SLC35H1: variants seen among roughly 807,000 people sequenced by gnomAD.
SLC35H1 encodes ovarian cancer-overexpressed gene 1 protein.
chr20:46,353,762 A>C, the SLC35H1 span, among the ~76,000 whole-genome samples: 1 of 152,102 alleles, frequency 6.6e-6, no homozygotes, highest in Non-Finnish European at 1.5e-5. Context: ...GAGGTTTTGC[A>C]GAGATGGGGC....
chr20:46,356,238 G>C, the SLC35H1 span, among the ~76,000 whole-genome samples: 1 of 152,202 alleles, frequency 6.6e-6, no homozygotes. Flanking sequence ...AGGCCACATA[G>C]GGCTCTGCTG....
the SLC35H1 span, chr20:46,357,854 C>A: frequency 6.6e-7 from 1 of 1,520,722 alleles, no homozygotes. Flanking sequence ...CTTCGCCCCT[C>A]TGCTGGAGTG....
chr20:46,352,006 G>A, the SLC35H1 span: 1 of 1,597,698 alleles, frequency 6.3e-7, no homozygotes, highest in Admixed American at 1.7e-5. Flanking sequence ...AACCCCTGGG[G>A]GCTCCCTCTC....
At chr20:46,357,158 A>G in the SLC35H1 span, among the ~76,000 whole-genome samples, 276 of 152,284 alleles carry the variant, frequency 1.8e-3, no homozygotes, top group Middle Eastern at 3.4e-3. Flanking sequence ...AGGGCCAACC[A>G]GTCCCACGCA....
the SLC35H1 span, chr20:46,347,370 G>A: frequency 6.6e-6 from 1 of 152,262 alleles, no homozygotes; most frequent in Non-Finnish European, 1.5e-5. Flanking sequence ...AGGCCTAGAT[G>A]GTGCCCAGTG....
chr20:46,360,089 T>C, the SLC35H1 span, among the ~76,000 whole-genome samples: 1 of 152,174 alleles, frequency 6.6e-6, no homozygotes, highest in East Asian at 1.9e-4. Context: ...ACATAGCCAA[T>C]TACTGCTCTG....
At chr20:46,356,358 C>G in the SLC35H1 span, among the ~76,000 whole-genome samples, 1 of 152,232 alleles carries the variant, frequency 6.6e-6, no homozygotes, top group Non-Finnish European at 1.5e-5. Flanking sequence ...CCCACGCTGC[C>G]TGGCAGGTGG....
At chr20:46,349,509 C>T in the SLC35H1 span, 2 of 152,348 alleles carry the variant, frequency 1.3e-5, no homozygotes, top group East Asian at 3.9e-4. Flanking sequence ...AGGCTTTAGT[C>T]TCTTAGTTGT....
At chr20:46,350,952 G>A in the SLC35H1 span, 4 of 1,601,224 alleles carry the variant, frequency 2.5e-6, no homozygotes, top group African/African-American at 1.3e-5. Flanking sequence ...TTGACCAGGA[G>A]GGTGGAAGGT....
At chr20:46,357,726 G>T in the SLC35H1 span, 414 of 1,614,138 alleles carry the variant, frequency 2.6e-4, 2 homozygotes, top group East Asian at 9.0e-3. Flanking sequence ...AGAAGAGGAA[G>T]ATCACGGCCA....
chr20:46,354,747 C>T, the SLC35H1 span: 1 of 780,632 alleles, frequency 1.3e-6, no homozygotes, highest in Non-Finnish European at 2.1e-6. Flanking sequence ...TGCTGGACCC[C>T]AAACCATGCG....
At chr20:46,351,303 A>G in the SLC35H1 span, among the ~76,000 whole-genome samples, 1 of 152,228 alleles carries the variant, frequency 6.6e-6, no homozygotes, top group Admixed American at 6.5e-5. Context: ...GGCTCTCTAT[A>G]AACAGAGACT....
chr20:46,358,974 C>CATGACA, the SLC35H1 span: 1 of 585,426 alleles, frequency 1.7e-6, no homozygotes, highest in Non-Finnish European at 3.1e-6. Flanking sequence ...AAAACACAAA[C>CATGACA]TGATCATGTC....
the SLC35H1 span, chr20:46,358,732 T>G: frequency 6.5e-7 from 1 of 1,549,422 alleles, no homozygotes; most frequent in East Asian, 2.4e-5. Context: ...CCATGGTTAA[T>G]TGGATGCAGC....
At chr20:46,355,423 C>G in the SLC35H1 span, 1 of 692,922 alleles carries the variant, frequency 1.4e-6, no homozygotes, top group East Asian at 2.7e-5. This position sits in a 1 kb window ranked among gnomAD's most constrained non-coding sequence, Gnocchi z 4.8. Context: ...GCATGTAGGG[C>G]TGACGGTCAG....
At chr20:46,347,133 C>T in the SLC35H1 span, 1 of 152,178 alleles carries the variant, frequency 6.6e-6, no homozygotes, top group Non-Finnish European at 1.5e-5. Flanking sequence ...ATTATTATTC[C>T]TTCTGTAGAG....
chr20:46,350,426 C>T, the SLC35H1 span: 1 of 1,613,744 alleles, frequency 6.2e-7, no homozygotes, highest in Admixed American at 1.7e-5. Context: ...AAGTACTCCT[C>T]CTCCTCATTG....
At chr20:46,355,956 A>C in the SLC35H1 span, 1 of 1,588,038 alleles carries the variant, frequency 6.3e-7, no homozygotes, top group South Asian at 1.1e-5. The surrounding 1 kb of genome is among the most constrained non-coding windows in gnomAD (Gnocchi z 4.8). Context: ...AGCACAAATC[A>C]CTGAGCGAAA....
At chr20:46,358,207 A>G in the SLC35H1 span, among the ~76,000 whole-genome samples, 1 of 152,192 alleles carries the variant, frequency 6.6e-6, no homozygotes, top group South Asian at 2.1e-4. Flanking sequence ...CCCTGGATCC[A>G]AACACTGAAG....
Sources: allele counts gnomAD v4.1 joint callset (sites outside exome capture counted in the v4.1 genomes callset), GRCh38; gene constraint gnomAD v4.1.1; non-coding constraint Gnocchi (gnomAD v3.1); transcripts MANE v1.5; gene names NCBI Gene and HGNC (gene_info 2026-07-23, HGNC 2026-07-21).